Variants in PPP6R1 observed in about 807,000 individuals in gnomAD.
PPP6R1 encodes serine/threonine-protein phosphatase 6 regulatory subunit 1.
In PPP6R1, 39 loss-of-function variants were observed where a neutral mutation model predicts 104.6. The ratio of observed to expected loss-of-function variants is 0.37; its 90% CI spans 0.29 to 0.49. The LOEUF is 0.49. PPP6R1 is among the 20% of genes least tolerant of loss of function. The probability of loss-of-function intolerance (pLI) is 0.98; values close to 1 mark genes in which losing one functional copy is unlikely to be tolerated. For missense variants in PPP6R1, 1,181 were observed against 1,155.8 expected (o/e 1.02, Z -0.32); for synonymous variants, 549 against 479.0 (o/e 1.15, Z -1.91).
At chr19:55,248,763 C>T (rs1051798391) in intron 1 of PPP6R1, among the ~76,000 whole-genome samples, 4 of 152,242 alleles carry the variant, frequency 2.6e-5, no homozygotes, top group African/African-American at 4.8e-5. Flanking sequence ...GAAGAGACTT[C>T]ATCGGAGCTT....
intron 2 of PPP6R1, 107 bp downstream of exon 2, chr19:55,246,770 C>T (rs2087512323): frequency 9.1e-7 from 1 of 1,097,482 alleles, no homozygotes; most frequent in South Asian, 1.6e-5. Context: ...CATCCCCAAA[C>T]TGGAGTTTAC....
In PPP6R1 at chr19:55,231,583, C is replaced by G; in HGVS notation, c.2377+15G>C. On this transcript the variant is annotated intron_variant, in intron 20 of 23. Transcript: ENST00000412770. ...TGCCCAGGGCCGCGGGTGGGCAGGGCAAAGCGGGGCTCACCTGAGGGCTCC... is the reference window on the plus strand; with the variant it reads ...TGCCCAGGGCCGCGGGTGGGCAGGGGAAAGCGGGGCTCACCTGAGGGCTCC... 6.2e-7 allele frequency: 1 copy of G among 1,608,430 alleles called. No individual in the cohort carries two copies. The highest frequency in any genetic ancestry group is 8.5e-7 in the Non-Finnish European group (1 of 1,177,538).
chr19:55,242,200 C>G lies in PPP6R1; in HGVS notation c.811G>C (p.Val271Leu). 1 of 1,613,818 alleles carries G rather than the reference C, an allele frequency of 6.2e-7. No homozygotes were observed. Among genetic ancestry groups the G allele is most frequent in the African/African-American group, 1.3e-5 (1 of 75,060 alleles). Residue 271 changes from valine to leucine, a missense_variant, in exon 7 of 24, where the codon GTG (valine) becomes CTG (leucine). This residue lies in a region of PPP6R1 where 1,042 missense variants were observed against 955.6 expected (regional missense o/e 1.09). Transcript: ENST00000412770. ...CTGGGCTCCAGCAGGGTCAGCAGCA[C>G]CTGGATCCCACTGACGATGACAGAC... Reference protein sequence around the residue: ...SQSVIVSGIQVLLTLLEPRRP... With the variant: ...SQSVIVSGIQLLLTLLEPRRP...
intron 5 of PPP6R1, among the ~76,000 whole-genome samples, chr19:55,244,535 G>A (rs536750796): frequency 6.6e-6 from 1 of 152,334 alleles, no homozygotes; most frequent in Non-Finnish European, 1.5e-5. Flanking sequence ...GGTGGGCAGG[G>A]ACGGATGTGG....
At chr19:55,252,622 G>A (rs1331183408) in intron 1 of PPP6R1, among the ~76,000 whole-genome samples, 1 of 151,984 alleles carries the variant, frequency 6.6e-6, no homozygotes, top group Non-Finnish European at 1.5e-5. Context: ...GGCTGGTCTC[G>A]AACTACTGAC....
At chr19:55,233,285 G>T (rs2087366262) in intron 17 of PPP6R1, 1 of 152,128 alleles carries the variant, frequency 6.6e-6, no homozygotes, top group Non-Finnish European at 1.5e-5. Context: ...AACGACTAAG[G>T]AGTATAAAGG....
At chr19:55,251,984 C>T (rs1006059490) in intron 1 of PPP6R1, among the ~76,000 whole-genome samples, 4 of 152,102 alleles carry the variant, frequency 2.6e-5, no homozygotes, top group African/African-American at 7.2e-5. Context: ...GGCTGATAGG[C>T]TGCCCATGCC....
At chr19:55,250,415 T>C (rs1471877201) in intron 1 of PPP6R1, among the ~76,000 whole-genome samples, 1 of 152,134 alleles carries the variant, frequency 6.6e-6, no homozygotes, top group East Asian at 1.9e-4. Flanking sequence ...TAGTGGACAC[T>C]TAAGGGATGA....
Position 55,239,530 on chromosome 19 carries a change from A to G in PPP6R1, c.1654-28T>C, listed in dbSNP as rs373473200. ...GTGGGGGTGCGGAGGTTAGGGCTGG[A>G]GGGAGTTGGGCAGGACCCCACTCCA... On this transcript the variant is annotated intron_variant, in intron 14 of 23. Coordinates refer to ENST00000412770, the MANE Select transcript of PPP6R1 (RefSeq NM_014931.4). 439 of 1,612,230 alleles carry G rather than the reference A, an allele frequency of 2.7e-4. 1 individual carries two copies. The highest frequency in any genetic ancestry group is 8.2e-4 in the Middle Eastern group (5 of 6,082).
In PPP6R1 at chr19:55,245,784, T is replaced by C; in HGVS notation, c.228-106A>G. 1.1e-6 allele frequency: 1 copy of C among 929,458 alleles called. No individual in the cohort carries two copies. The highest frequency in any genetic ancestry group is 2.3e-5 in the Admixed American group (1 of 43,356). The allele number at this position is 929,458 out of a possible 1,614,324, so 57.6% of individuals were successfully genotyped here. On this transcript the variant is annotated intron_variant, in intron 2 of 23. Coordinates refer to ENST00000412770, the MANE Select transcript of PPP6R1 (RefSeq NM_014931.4). The surrounding 1 kb of genome is among the most constrained non-coding windows in gnomAD (Gnocchi z 6.4). ...CACCGGGCACTGGGTTTCTGGGAAC[T>C]GCAGAGACCCCTGTCCAGGAAGGGG...
rs569114548 is a variant in PPP6R1 at position 55,240,263 on chromosome 19, G to A, written c.1334C>T (p.Thr445Met). 65 of 1,594,878 alleles carry A rather than the reference G, an allele frequency of 4.1e-5. No homozygotes were observed. The highest frequency in any genetic ancestry group is 5.2e-5 in the Admixed American group (3 of 57,726). Reference sequence around the variant, plus strand: ...TACACGGTCGTTCTCCTCCCAGGACGTCAGGATCCGCTCCACCAGGCGGCA... The same window carrying A: ...TACACGGTCGTTCTCCTCCCAGGACATCAGGATCCGCTCCACCAGGCGGCA... Reference protein sequence around the residue: ...QQCRLVERILTSWEENDRVQC... With the variant: ...QQCRLVERILMSWEENDRVQC... Residue 445 changes from threonine (T) to methionine (M), a missense_variant, in exon 11 of 24, where the codon ACG (threonine) becomes ATG (methionine). By Grantham distance (81) the Thr-to-Met change is moderately conservative (BLOSUM62 -1). This residue lies in a region of PPP6R1 where 1,042 missense variants were observed against 955.6 expected (regional missense o/e 1.09). Transcript: ENST00000412770.
intron 1 of PPP6R1, among the ~76,000 whole-genome samples, chr19:55,254,005 C>T (rs1317926206): frequency 6.6e-6 from 1 of 152,236 alleles, no homozygotes; most frequent in African/African-American, 2.4e-5. Flanking sequence ...AAGTCTCTTC[C>T]GGTCCAACCC....
In PPP6R1 at chr19:55,240,173, C is replaced by T. The variant is rs561334595; in HGVS notation, c.1362-59G>A. 9.6e-6 allele frequency: 15 copies of T among 1,561,966 alleles called. No individual in the cohort carries two copies. The African/African-American group carries it at 1.5e-4, about 16-fold the overall frequency. On this transcript the variant is annotated intron_variant, in intron 11 of 23. Coordinates refer to ENST00000412770, the MANE Select transcript of PPP6R1 (RefSeq NM_014931.4). ...GACTGGACCCAGGGATGCCCAGCCC[C>T]AGCCCGGCCCCCCATCCAGGCAGCC...
intron 10 of PPP6R1, among the ~76,000 whole-genome samples, 161 bp downstream of exon 10, chr19:55,240,784 G>A (rs973165160): frequency 6.6e-6 from 1 of 152,122 alleles, no homozygotes; most frequent in Non-Finnish European, 1.5e-5. Flanking sequence ...TTTCATCCGC[G>A]TTTCTCCCTG....
intron 7 of PPP6R1, 74 bp downstream of exon 7, chr19:55,242,092 G>C: frequency 2.8e-6 from 4 of 1,420,192 alleles, no homozygotes; most frequent in Non-Finnish European, 3.9e-6. Context: ...GGTGGACACC[G>C]AGACCCGCCT....
In PPP6R1 at chr19:55,231,885, G is replaced by C. The variant is rs745464508; in HGVS notation, c.2223C>G (p.Ala741=). 6 of 1,510,920 alleles carry C rather than the reference G, an allele frequency of 4.0e-6. No individual in the cohort carries two copies. The South Asian group carries it at 8.0e-5, about 20-fold the overall frequency. 93.6% of individuals were successfully genotyped at this position (1,510,920 alleles called of 1,614,324 possible). A position where few individuals can be genotyped will look rare whatever the true frequency, so the allele number is the denominator to read the frequency against. Residue 741 remains alanine, a synonymous_variant, in exon 19 of 24, where the codon GCC becomes GCG. Coordinates refer to ENST00000412770, the MANE Select transcript of PPP6R1 (RefSeq NM_014931.4). ...GEEELHTGPP[A]PQGPLSVPQG... is the part of the protein sequence containing the mutation. ...GGGGCACACTGAGGGGCCCCTGTGG[G>C]GCTGGAGGCCCAGTGTGCAGCTCTT...
At chr19:55,238,235 G>A (rs901334411) in intron 15 of PPP6R1, among the ~76,000 whole-genome samples, 5 of 152,072 alleles carry the variant, frequency 3.3e-5, no homozygotes, top group Admixed American at 6.5e-5. Flanking sequence ...AGGGGTCTCG[G>A]CACAGGCCAC....
intron 1 of PPP6R1, among the ~76,000 whole-genome samples, chr19:55,247,580 T>A (rs2122688406): frequency 6.6e-6 from 1 of 152,378 alleles, no homozygotes; most frequent in African/African-American, 2.4e-5. Context: ...CCTTAACCTC[T>A]GGCTTCAAAT....
At position 55,241,761 on chromosome 19, in the gene PPP6R1, G is replaced by A. The variant is rs1315314130; in HGVS notation, c.846-122C>T. 18 of 1,235,640 alleles carry A rather than the reference G, an allele frequency of 1.5e-5. No individual in the cohort carries two copies. Among genetic ancestry groups the A allele is most frequent in the Middle Eastern group, 2.3e-4 (1 of 4,428 alleles). 76.5% of individuals were successfully genotyped at this position (1,235,640 alleles called of 1,614,324 possible). On this transcript the variant is annotated intron_variant, in intron 7 of 23. Coordinates refer to ENST00000412770, the MANE Select transcript of PPP6R1 (RefSeq NM_014931.4). This position sits in a 1 kb window ranked among gnomAD's most constrained non-coding sequence, Gnocchi z 5.4. ...AAACGAGGAGCCACATGCCCCCAGC[G>A]CCGCTCTCTTCTGAGGCCCTTCAGA...
Sources: gnomAD v4.1 joint callset for allele counts (sites outside exome capture counted in the v4.1 genomes callset) on GRCh38, gnomAD v4.1.1 for gene constraint, gnomAD v4.1.1 regional missense constraint, Gnocchi (gnomAD v3.1) non-coding constraint, MANE v1.5 for transcripts, NCBI Gene and HGNC (gene_info 2026-07-23, HGNC 2026-07-21) for gene names.